FAM193A: variants seen among roughly 807,000 people sequenced by gnomAD.
FAM193A encodes the protein protein FAM193A.
In FAM193A, 22 loss-of-function variants were observed where a neutral mutation model predicts 126.5. The observed-to-expected ratio is 0.17, with a 90% CI of 0.12 to 0.25. The LOEUF (loss-of-function observed/expected upper bound fraction) is 0.25. Among genes scored for constraint, FAM193A ranks in the 10% least tolerant of loss-of-function variants. The pLI is 1.00. For missense variants in FAM193A, 1,675 were observed against 1,672.8 expected (o/e 1.00, Z -0.02); for synonymous variants, 761 against 646.8 (o/e 1.18, Z -2.68).
Position 2,700,300 on chromosome 4 carries a change from G to A in FAM193A, c.4128G>A (p.Lys1376=). The part of the protein sequence containing the change: ...KPRAQTESKA[K]VVDLMSITEQ... Reference sequence around the variant, plus strand: ...GGGCCCAGACTGAGTCAAAGGCTAAGGTGGTCGACCTCATGTCCATCACAG... The same window carrying A: ...GGGCCCAGACTGAGTCAAAGGCTAAAGTGGTCGACCTCATGTCCATCACAG... Residue 1376 remains lysine (K), a synonymous_variant, in exon 19 of 21, where the codon AAG becomes AAA. Coordinates refer to ENST00000637812, the MANE Select transcript of FAM193A (RefSeq NM_001366318.2). 3 of 1,614,092 alleles carry A rather than the reference G, an allele frequency of 1.9e-6. No individual in the cohort carries two copies. The highest frequency in any genetic ancestry group is 2.5e-6 in the Non-Finnish European group (3 of 1,180,022).
At chr4:2,596,661 A>G (rs984447508) in intron 2 of FAM193A, among the ~76,000 whole-genome samples, 22 of 152,230 alleles carry the variant, frequency 1.4e-4, no homozygotes, top group African/African-American at 5.3e-4. Flanking sequence ...AGTTCTCAAC[A>G]ATTCGACATG....
At position 2,690,801 on chromosome 4, in the gene FAM193A, G is replaced by T. The variant is rs1716286715; in HGVS notation, c.2634G>T (p.Lys878Asn). The change falls in exon 15 of 21, where the codon AAG becomes AAT. Residue 878 changes from lysine to asparagine, a missense_variant. Lys to Asn is a moderately conservative substitution (Grantham distance 94). Transcript: ENST00000637812. ...TPAVSDSKEK[K>N]NAAKKKCLYN... ...CAGTCTCGGATAGTAAAGAGAAAAAGAATGCTGCAAAAAAGAAATGTTTAT... is the reference window on the plus strand; with the variant it reads ...CAGTCTCGGATAGTAAAGAGAAAAATAATGCTGCAAAAAAGAAATGTTTAT... 6.2e-7 allele frequency: 1 copy of T among 1,613,980 alleles called. No homozygotes were observed. Among genetic ancestry groups the T allele is most frequent in the African/African-American group, 1.3e-5 (1 of 74,920 alleles).
chr4:2,630,906 A>T, intron 4 of FAM193A, 29 bp from the exon 5 acceptor site: 1 of 1,336,580 alleles, frequency 7.5e-7, no homozygotes, highest in Non-Finnish European at 1.1e-6. Flanking sequence ...CCTGGTGGGC[A>T]GGCCCTGGTG....
In FAM193A at chr4:2,545,212, T is replaced by C. The variant is rs189802869; in HGVS notation, c.255+8042T>C. Among the ~76,000 whole-genome samples the C allele has an allele frequency of 3.1e-4, 47 of 152,272 alleles. No individual in the cohort carries two copies. In the East Asian group the frequency reaches 8.5e-3, roughly 28 times the overall value. Reference sequence around the variant, plus strand: ...TTCACCATGTTGGCCAGGCTGGCCTTGAACTCCTGACCTCAGGTGATCTGC... The same window carrying C: ...TTCACCATGTTGGCCAGGCTGGCCTCGAACTCCTGACCTCAGGTGATCTGC... On this transcript the variant is annotated intron_variant, in intron 1 of 20. Coordinates refer to ENST00000637812, the MANE Select transcript of FAM193A (RefSeq NM_001366318.2).
chr4:2,700,549 A>G lies in FAM193A; in HGVS notation c.4372+5A>G, dbSNP rs1168013420. On this transcript the variant is annotated splice_donor_5th_base_variant and intron_variant, in intron 19 of 20. Transcript: ENST00000637812. The stretch of plus-strand genomic sequence containing the variant: ...ACAGAGTCAACAATTCAATTGGTAA[A>G]TACAGAATAGCGGGAAGGTATTTCT... The G allele has an allele frequency of 6.2e-7, 1 of 1,605,922 alleles. No homozygotes were observed. The highest frequency in any genetic ancestry group is 1.1e-5 in the South Asian group (1 of 90,036).
chr4:2,634,523 A>G (rs1054130273), intron 5 of FAM193A, among the ~76,000 whole-genome samples: 2 of 152,242 alleles, frequency 1.3e-5, no homozygotes, highest in African/African-American at 4.8e-5. Flanking sequence ...AAAAAAGAAT[A>G]TAGAGTAACT....
At chr4:2,594,265 C>A (rs1032850479) in intron 1 of FAM193A, among the ~76,000 whole-genome samples, 4 of 152,148 alleles carry the variant, frequency 2.6e-5, no homozygotes, top group Non-Finnish European at 5.9e-5. Flanking sequence ...AGAATGGAGC[C>A]TGGGGTCCAA....
chr4:2,605,916 A>G (rs1158269601), intron 2 of FAM193A, among the ~76,000 whole-genome samples: 2 of 115,056 alleles, frequency 1.7e-5, no homozygotes, highest in Non-Finnish European at 3.3e-5. Flanking sequence ...GGTTGCAGTG[A>G]GCTGAGATTG....
chr4:2,665,286 A>AT (rs911375945), intron 12 of FAM193A, among the ~76,000 whole-genome samples: 2 of 152,044 alleles, frequency 1.3e-5, no homozygotes, highest in Non-Finnish European at 2.9e-5. Context: ...AATACAATTG[A>AT]TTTTTTTATA....
At position 2,724,029 on chromosome 4, in the gene FAM193A, CTTT is replaced by C. The variant is rs35528557; in HGVS notation, c.4455-7734_4455-7732del. Reference sequence around the variant, plus strand: ...AAATGGCATGAGGCCAACAGAATGTCTTTTTTTTTTTTTTCAGCTTACTCAAAA... The same window carrying C: ...AAATGGCATGAGGCCAACAGAATGTCTTTTTTTTTTTCAGCTTACTCAAAA... On this transcript the variant is annotated intron_variant, in intron 20 of 20. Coordinates refer to ENST00000637812, the MANE Select transcript of FAM193A (RefSeq NM_001366318.2). Among the ~76,000 whole-genome samples, 983 of 147,776 alleles carry C rather than the reference CTTT, an allele frequency of 6.7e-3. 10 individuals are homozygous for C. Among genetic ancestry groups the C allele is most frequent in the African/African-American group, 0.022 (883 of 40,512 alleles).
At chr4:2,657,962 C>A in intron 8 of FAM193A, 82 bp downstream of exon 8, 1 of 973,106 alleles carries the variant, frequency 1.0e-6, no homozygotes, top group Non-Finnish European at 1.6e-6. Context: ...TGTTGATGTG[C>A]TTTGTTAGAA....
chr4:2,542,373 C>G (rs1737287536), intron 1 of FAM193A, among the ~76,000 whole-genome samples: 1 of 152,022 alleles, frequency 6.6e-6, no homozygotes, highest in African/African-American at 2.4e-5. Flanking sequence ...CTCCTGACCT[C>G]AAGTGATCTA....
chr4:2,586,362 C>T (rs1438734785), intron 1 of FAM193A, among the ~76,000 whole-genome samples: 2 of 152,056 alleles, frequency 1.3e-5, no homozygotes, highest in South Asian at 2.1e-4. Flanking sequence ...TATTATCCAT[C>T]ATCTTTCACA....
chr4:2,613,768 C>G (rs796803586), intron 2 of FAM193A, among the ~76,000 whole-genome samples: 1 of 79,260 alleles, frequency 1.3e-5, no homozygotes, highest in East Asian at 3.4e-4. Context: ...TTTTTTTTTT[C>G]TTTTTCTTTT....
rs1183089530 is a variant in FAM193A, at chr4:2,708,329, T to C, written c.4373-7694T>C. 1.8e-5 allele frequency: 5 copies of C among 276,276 alleles called. No homozygotes were observed. The East Asian group carries it at 6.9e-4, about 38-fold the overall frequency. The allele number at this position is 276,276 out of a possible 1,614,324, so 17.1% of individuals were successfully genotyped here. On this transcript the variant is annotated intron_variant, in intron 19 of 20. Coordinates refer to ENST00000637812, the MANE Select transcript of FAM193A (RefSeq NM_001366318.2). ...TAGTAGAGATAGAGTTTCACCATGT[T>C]GGTCAAGTTGGTCTACAACTCCTGA...
At chr4:2,731,747 G>T in intron 20 of FAM193A, 28 bp from the exon 21 acceptor site, 2 of 1,582,516 alleles carry the variant, frequency 1.3e-6, no homozygotes, top group Non-Finnish European at 1.7e-6. Flanking sequence ...GTTTCCTTCA[G>T]TGACTGTTTG....
intron 2 of FAM193A, among the ~76,000 whole-genome samples, chr4:2,599,433 C>G (rs1186675383): frequency 6.6e-6 from 1 of 152,108 alleles, no homozygotes; most frequent in Non-Finnish European, 1.5e-5. Flanking sequence ...GGTCAGGGCT[C>G]AGAGTGCACG....
rs1440698522 is a variant in FAM193A at position 2,625,372 on chromosome 4, G to A, written c.612G>A (p.Ser204=). The A allele has an allele frequency of 2.8e-5, 20 of 702,642 alleles. No individual in the cohort carries two copies. The Admixed American group carries it at 3.0e-4, about 11-fold the overall frequency. The allele number at this position is 702,642 out of a possible 1,614,324, so 43.5% of individuals were successfully genotyped here. Residue 204 remains serine, a synonymous_variant, in exon 3 of 21, where the codon TCG becomes TCA. Coordinates refer to ENST00000637812, the MANE Select transcript of FAM193A (RefSeq NM_001366318.2). ...CGCTGCCTTCAGACACCGCATGCTC[G>A]TGCGAGGCCTGCAGTGAGCGCAGGT... ...AQTLPSDTAC[S]CEACSERREI...
chr4:2,587,428 C>G (rs1056005693), intron 1 of FAM193A, among the ~76,000 whole-genome samples: 13 of 152,312 alleles, frequency 8.5e-5, no homozygotes, highest in Non-Finnish European at 1.5e-5. Context: ...TGTGGTGGCA[C>G]GTGCCTGTGG....
Sources: gnomAD v4.1 joint callset for allele counts (sites outside exome capture counted in the v4.1 genomes callset) on GRCh38, gnomAD v4.1.1 for gene constraint, MANE v1.5 for transcripts, NCBI Gene and HGNC (gene_info 2026-07-23, HGNC 2026-07-21) for gene names.